BACH2: variants seen among roughly 807,000 people sequenced by gnomAD.
The protein encoded by BACH2 is transcription regulator protein BACH2.
A neutral mutation model predicts 61.8 loss-of-function variants in BACH2; 5 were observed. The ratio of observed to expected loss-of-function variants is 0.08; its 90% confidence interval spans 0.04 to 0.17. BACH2 has a LOEUF of 0.17. BACH2 is among the 10% of genes least tolerant of loss of function. The probability of loss-of-function intolerance (pLI) is 1.00; values close to 1 mark genes in which losing one functional copy is unlikely to be tolerated. For missense variants in BACH2, 824 were observed against 1,091.1 expected (o/e 0.76, Z 3.45); for synonymous variants, 446 against 440.1 (o/e 1.01, Z -0.17).
chr6:90,066,478 A>G (rs1780971745), intron 5 of BACH2, among the ~76,000 whole-genome samples: 1 of 152,178 alleles, frequency 6.6e-6, no homozygotes, highest in Non-Finnish European at 1.5e-5. Context: ...GGCAGACGGT[A>G]GGGTGGATTC....
At chr6:90,232,183 A>G (rs1326249330) in intron 3 of BACH2, among the ~76,000 whole-genome samples, 2 of 152,208 alleles carry the variant, frequency 1.3e-5, no homozygotes, top group Non-Finnish European at 2.9e-5. Context: ...TTCTATATCA[A>G]TTCACAAGGA....
In BACH2 at chr6:90,008,867, GAAAGAAAC is replaced by G; in HGVS notation, c.-12-19_-12-12del. On this transcript the variant is annotated splice_polypyrimidine_tract_variant and intron_variant, in intron 5 of 8. Transcript: ENST00000257749. This position sits in a 1 kb window ranked among gnomAD's most constrained non-coding sequence, Gnocchi z 4.1. ...CATGCCGTTCACACCCTGAAAGAAA[GAAAGAAAC>G]AAAGAAAGAAAGAAAGAAAGGCTGA... 4 of 1,609,570 alleles carry G rather than the reference GAAAGAAAC, an allele frequency of 2.5e-6. No homozygotes were observed. Among genetic ancestry groups the G allele is most frequent in the Non-Finnish European group, 3.4e-6 (4 of 1,176,952 alleles).
Position 89,931,489 on chromosome 6 carries a change from C to T in BACH2, c.*919G>A, listed in dbSNP as rs1230339562. ...CTAAAAGCAAAGAATATACAGTATA[C>T]TTGAGTTATACCGAAGTTACAACTT... On this transcript the variant is annotated 3_prime_UTR_variant, in exon 9 of 9. Transcript: ENST00000257749. 1.3e-5 allele frequency: 2 copies of T among 152,636 alleles called. No homozygotes were observed. Among genetic ancestry groups the T allele is most frequent in the Non-Finnish European group, 2.9e-5 (2 of 68,050 alleles). 9.5% of individuals were successfully genotyped at this position (152,636 alleles called of 1,614,324 possible).
At chr6:90,099,780 T>A (rs545133148) in intron 4 of BACH2, among the ~76,000 whole-genome samples, 1 of 152,340 alleles carries the variant, frequency 6.6e-6, no homozygotes, top group South Asian at 2.1e-4. Flanking sequence ...TATTGAGATA[T>A]AATCAGCATA....
At chr6:90,129,995 G>A (rs751828686) in intron 4 of BACH2, among the ~76,000 whole-genome samples, 95 of 152,124 alleles carry the variant, frequency 6.2e-4, no homozygotes, top group Non-Finnish European at 1.1e-3. Flanking sequence ...TCAGCCTCCC[G>A]AGTAGCTGGG....
At chr6:90,236,558 C>T (rs1267390581) in intron 3 of BACH2, among the ~76,000 whole-genome samples, 1 of 152,142 alleles carries the variant, frequency 6.6e-6, no homozygotes, top group African/African-American at 2.4e-5. Context: ...TTAGTTTTGC[C>T]TTTAGAAAGA....
At chr6:89,959,238 T>C (rs554053166) in intron 6 of BACH2, among the ~76,000 whole-genome samples, 5 of 151,886 alleles carry the variant, frequency 3.3e-5, no homozygotes, top group Non-Finnish European at 7.4e-5. Flanking sequence ...AGACCACCAT[T>C]TGACTTCAAC....
intron 4 of BACH2, among the ~76,000 whole-genome samples, chr6:90,196,089 G>A (rs758240114): frequency 6.6e-6 from 1 of 151,168 alleles, no homozygotes; most frequent in Non-Finnish European, 1.5e-5. Flanking sequence ...GCGAGAGAAT[G>A]AGCCACAATT....
intron 4 of BACH2, among the ~76,000 whole-genome samples, chr6:90,101,108 A>G (rs892969333): frequency 6.6e-6 from 1 of 152,138 alleles, no homozygotes; most frequent in Non-Finnish European, 1.5e-5. Context: ...TTGAGCATTG[A>G]GCTGTAAGAA....
rs577074471 is a variant in BACH2, at chr6:90,277,277, CAATAT to C, written c.-445-5341_-445-5337del. Among the ~76,000 whole-genome samples, 4 of 152,256 alleles carry C rather than the reference CAATAT, an allele frequency of 2.6e-5. No homozygotes were observed. In the South Asian group the frequency reaches 8.3e-4, roughly 32 times the overall value. ...ATTAATAAATAGTGGTATAGTCACA[CAATAT>C]AATACTATATAGCATGGAGAATGAA... On this transcript the variant is annotated intron_variant, in intron 1 of 8. Coordinates refer to ENST00000257749, the MANE Select transcript of BACH2 (RefSeq NM_021813.4).
chr6:89,964,182 C>T (rs565201821), intron 6 of BACH2, among the ~76,000 whole-genome samples: 302 of 139,214 alleles, frequency 2.2e-3, no homozygotes, highest in African/African-American at 6.9e-3. Flanking sequence ...AATGTGCACA[C>T]GTACCCTAAA....
At chr6:90,144,798 C>G (rs902520148) in intron 4 of BACH2, among the ~76,000 whole-genome samples, 1 of 152,106 alleles carries the variant, frequency 6.6e-6, no homozygotes, top group Admixed American at 6.6e-5. Context: ...TGAGTAAACA[C>G]AAGTTTTTCA....
intron 6 of BACH2, among the ~76,000 whole-genome samples, chr6:89,955,806 T>C (rs1310174957): frequency 6.6e-6 from 1 of 152,210 alleles, no homozygotes; most frequent in Admixed American, 6.5e-5. Context: ...CATGAAACTG[T>C]GACCACAAGT....
At chr6:90,090,903 A>G (rs560997664) in intron 4 of BACH2, among the ~76,000 whole-genome samples, 2 of 152,186 alleles carry the variant, frequency 1.3e-5, no homozygotes, top group Non-Finnish European at 2.9e-5. Context: ...AAAGCAGAAA[A>G]AGATGCAAAG....
intron 6 of BACH2, among the ~76,000 whole-genome samples, chr6:89,991,921 G>C (rs1236377063): frequency 6.6e-6 from 1 of 152,008 alleles, no homozygotes; most frequent in Non-Finnish European, 1.5e-5. Context: ...TAATCTATTT[G>C]TTCTTTAGTT....
At chr6:90,256,596 T>C (rs1211263859) in intron 2 of BACH2, among the ~76,000 whole-genome samples, 1 of 152,218 alleles carries the variant, frequency 6.6e-6, no homozygotes, top group African/African-American at 2.4e-5. Context: ...CAGTGAAATG[T>C]TGAGAAGTTA....
intron 5 of BACH2, among the ~76,000 whole-genome samples, chr6:90,040,763 T>C (rs1334801122): frequency 2.0e-5 from 3 of 152,108 alleles, no homozygotes; most frequent in Non-Finnish European, 4.4e-5. Flanking sequence ...TCAATTCCTA[T>C]ATTTATACAC....
intron 1 of BACH2, among the ~76,000 whole-genome samples, chr6:90,279,644 A>G (rs1338320920): frequency 6.7e-6 from 1 of 148,916 alleles, no homozygotes; most frequent in Non-Finnish European, 1.5e-5. Flanking sequence ...TCTTGGTCCT[A>G]TATACCAAAA....
rs552794904 is a variant in BACH2, at chr6:90,207,111, TTTTTTG to T, written c.-274-436_-274-431del. Among the ~76,000 whole-genome samples the T allele has an allele frequency of 5.1e-3, 778 of 152,180 alleles. 10 individuals carry two copies. The highest frequency in any genetic ancestry group is 0.017 in the African/African-American group (724 of 41,508). On this transcript the variant is annotated intron_variant, in intron 3 of 8. Coordinates refer to ENST00000257749, the MANE Select transcript of BACH2 (RefSeq NM_021813.4). ...TACAGTTTCAGGGTTCTTCTTTGTC[TTTTTTG>T]TTTTTGTTTTTGTTTTTTTGGCATA...
Sources: allele counts gnomAD v4.1 joint callset (sites outside exome capture counted in the v4.1 genomes callset), GRCh38; gene constraint gnomAD v4.1.1; non-coding constraint Gnocchi (gnomAD v3.1); transcripts MANE v1.5; gene names NCBI Gene and HGNC (gene_info 2026-07-23, HGNC 2026-07-21).